The following P2RY13 variants were observed in gnomAD, a reference collection of about 807,000 sequenced individuals.
P2RY13 encodes the protein P2Y purinoceptor 13.
For missense variants in P2RY13, 412 were observed against 418.4 expected, an observed-to-expected ratio of 0.98 and a Z score of 0.13; for synonymous variants, 150 against 155.1, an observed-to-expected ratio of 0.97 and a Z score of 0.24.
In P2RY13 at chr3:151,327,748, AAG is replaced by A. The variant is rs1553780203; in HGVS notation, c.*241_*242del. The A allele has an allele frequency of 4.2e-5, 14 of 334,514 alleles. No individual in the cohort carries two copies. Among genetic ancestry groups the A allele is most frequent in the East Asian group, 1.4e-4 (3 of 21,170 alleles). 20.7% of individuals were successfully genotyped at this position (334,514 alleles called of 1,614,324 possible). On this transcript the variant is annotated 3_prime_UTR_variant, in exon 2 of 2. Coordinates refer to ENST00000325602, the MANE Select transcript of P2RY13 (RefSeq NM_176894.3). ...GCTCTTGAAATTAAAAAAAAAAAAA[AAG>A]AAAGAAAGAAATAATGACCTCTAGT...
Position 151,329,507 on chromosome 3 carries a change from G to C in P2RY13, c.22C>G (p.Gln8Glu). The change falls in exon 1 of 2, where the codon CAG (glutamine) becomes GAG (glutamate). Residue 8 changes from glutamine to glutamate, a missense_variant. By Grantham distance (29) the Gln-to-Glu change is conservative. Coordinates refer to ENST00000325602, the MANE Select transcript of P2RY13 (RefSeq NM_176894.3). ...TTTGGGAGGATACTCAGTTCTCTCTGTCTTCTTATGGCGGCAGTCATTAGT... is the reference window on the plus strand; with the variant it reads ...TTTGGGAGGATACTCAGTTCTCTCTCTCTTCTTATGGCGGCAGTCATTAGT... MTAAIRR[Q>E]RELSILPKVT... is the part of the protein sequence containing the mutation. The C allele has an allele frequency of 1.3e-6, 2 of 1,547,984 alleles. No individual in the cohort carries two copies. Among genetic ancestry groups the C allele is most frequent in the Non-Finnish European group, 1.7e-6 (2 of 1,144,350 alleles).
Position 151,328,482 on chromosome 3 carries a change from T to C in P2RY13, c.574A>G (p.Lys192Glu). 6.2e-7 allele frequency: 1 copy of C among 1,614,062 alleles called. No individual in the cohort carries two copies. Among genetic ancestry groups the C allele is most frequent in the Non-Finnish European group, 8.5e-7 (1 of 1,179,962 alleles). Residue 192 changes from lysine (K) to glutamate (E), a missense_variant, in exon 2 of 2, where the codon AAA (lysine) becomes GAA (glutamate). Physicochemically the swap from Lys to Glu is moderately conservative, Grantham distance 56. Coordinates refer to ENST00000325602, the MANE Select transcript of P2RY13 (RefSeq NM_176894.3). ...SNKEATPSSV[K>E]KCASLKGPLG... is the part of the protein sequence containing the mutation. ...GGCCCCTTTAAGGAAGCACACTTTT[T>C]CACAGACGATGGTGTTGCTTCCTTG...
rs63497161 is a variant in P2RY13 at position 151,327,734 on chromosome 3, TAAA to T, written c.*254_*256del. 1.6e-3 allele frequency: 411 copies of T among 252,010 alleles called. No homozygotes were observed. The highest frequency in any genetic ancestry group is 2.3e-3 in the Non-Finnish European group (323 of 138,358). The allele number at this position is 252,010 out of a possible 1,614,324, so 15.6% of individuals were successfully genotyped here. ...TGTTAAAGTGAAATGCTCTTGAAAT[TAAA>T]AAAAAAAAAAAAGAAAGAAAGAAAT... On this transcript the variant is annotated 3_prime_UTR_variant, in exon 2 of 2. Coordinates refer to ENST00000325602, the MANE Select transcript of P2RY13 (RefSeq NM_176894.3).
In P2RY13 at chr3:151,326,922, T is replaced by C. The variant is rs151308567; in HGVS notation, c.*1069A>G. ...CCAAGGTAAATAAATACAAGCAGGG[T>C]CACCATCCTTTGAAAAATCTCTCAA... On this transcript the variant is annotated 3_prime_UTR_variant, in exon 2 of 2. Transcript: ENST00000325602. 1 of 152,304 alleles carries C rather than the reference T, an allele frequency of 6.6e-6. No homozygotes were observed. The highest frequency in any genetic ancestry group is 2.4e-5 in the African/African-American group (1 of 41,570). 9.4% of individuals were successfully genotyped at this position (152,304 alleles called of 1,614,324 possible).
chr3:151,328,855 C>T lies in P2RY13; in HGVS notation c.201G>A (p.Trp67Ter). 1 of 1,613,916 alleles carries T rather than the reference C, an allele frequency of 6.2e-7. No homozygotes were observed. Among genetic ancestry groups the T allele is most frequent in the Non-Finnish European group, 8.5e-7 (1 of 1,179,944 alleles). ...TGILLNTLAL[W>*]VFVHIPSSST... ...AGGAGCTGGGGATGTGAACAAACACCCACAGAGCCAAAGTATTCAGCAGGA... is the reference window on the plus strand; with the variant it reads ...AGGAGCTGGGGATGTGAACAAACACTCACAGAGCCAAAGTATTCAGCAGGA... Residue 67 changes from tryptophan (W) to a stop codon, truncating the protein, a stop_gained, in exon 2 of 2, where the codon TGG becomes TGA. Coordinates refer to ENST00000325602, the MANE Select transcript of P2RY13 (RefSeq NM_176894.3). LOFTEE classifies it low-confidence loss of function (END_TRUNC).
In P2RY13 at chr3:151,328,201, A is replaced by G. The variant is rs1749884176; in HGVS notation, c.855T>C (p.Asn285=). Residue 285 remains asparagine (N), a synonymous_variant, in exon 2 of 2, where the codon AAT becomes AAC. Transcript: ENST00000325602. ...GATTTTGCAGTCTACAGTCAGTCTT[A>G]TTGTTGGTTTGACTGTGAGTATATG... ...RVPYTHSQTN[N]KTDCRLQNQL... is the part of the protein sequence containing the mutation. 1.2e-6 allele frequency: 2 copies of G among 1,612,872 alleles called. No homozygotes were observed. The highest frequency in any genetic ancestry group is 1.1e-5 in the South Asian group (1 of 90,840).
chr3:151,328,311 T>C lies in P2RY13; in HGVS notation c.745A>G (p.Asn249Asp). Reference protein sequence around the residue: ...YRKSKSKDRKNNKKLEGKVFV... With the variant: ...YRKSKSKDRKDNKKLEGKVFV... Reference sequence around the variant, plus strand: ...ACTTTGCCTTCCAGCTTTTTGTTGTTTTTTCTGTCCTTACTTTTGGACTTT... The same window carrying C: ...ACTTTGCCTTCCAGCTTTTTGTTGTCTTTTCTGTCCTTACTTTTGGACTTT... Residue 249 changes from asparagine (N) to aspartate (D), a missense_variant, in exon 2 of 2, where the codon AAC (asparagine) becomes GAC (aspartate). Physicochemically the swap from Asn to Asp is conservative, Grantham distance 23 (BLOSUM62 1). Coordinates refer to ENST00000325602, the MANE Select transcript of P2RY13 (RefSeq NM_176894.3). The C allele has an allele frequency of 6.2e-7, 1 of 1,613,918 alleles. No homozygotes were observed. The highest frequency in any genetic ancestry group is 8.5e-7 in the Non-Finnish European group (1 of 1,179,894).
Position 151,328,611 on chromosome 3 carries a change from AAGGTC to A in P2RY13, c.440_444del (p.Arg147IlefsTer63). ...GGTTTTTTTAGAAAAATATTTCTCA[AAGGTC>A]TGATGATCTTGAGGAATCTGTCAAA... On this transcript the variant is annotated frameshift_variant, in exon 2 of 2. Transcript: ENST00000325602. LOFTEE classifies it low-confidence loss of function (END_TRUNC). 6.2e-7 allele frequency: 1 copy of A among 1,613,848 alleles called. No individual in the cohort carries two copies. Among genetic ancestry groups the A allele is most frequent in the Non-Finnish European group, 8.5e-7 (1 of 1,179,938 alleles).
chr3:151,329,044 C>A (rs1297428690), intron 1 of P2RY13, 37 bp from the exon 2 acceptor site: 1 of 1,436,122 alleles, frequency 7.0e-7, no homozygotes. Context: ...CAAAAGAAAA[C>A]AAAAAGCCCT....
intron 1 of P2RY13, among the ~76,000 whole-genome samples, 186 bp downstream of exon 1, chr3:151,329,290 TAAAAC>T (rs1750077882): frequency 6.6e-6 from 1 of 152,162 alleles, no homozygotes; most frequent in South Asian, 2.1e-4. Flanking sequence ...CTGTTAGCCA[TAAAAC>T]AAAACACTGT....
chr3:151,328,555 G>A lies in P2RY13; in HGVS notation c.501C>T (p.Ile167=). 1 of 1,613,750 alleles carries A rather than the reference G, an allele frequency of 6.2e-7. No individual in the cohort carries two copies. Residue 167 remains isoleucine (I), a synonymous_variant, in exon 2 of 2, where the codon ATC becomes ATT. Transcript: ENST00000325602. ...PVFAKTVSIF[I]WFFLFFISLP... is the part of the protein sequence containing the mutation. ...GGGAGATGAAGAACAAAAAGAACCAGATGAAGATTGAGACCGTTTTTGCAA... is the reference window on the plus strand; with the variant it reads ...GGGAGATGAAGAACAAAAAGAACCAAATGAAGATTGAGACCGTTTTTGCAA...
Position 151,328,306 on chromosome 3 carries a change from G to T in P2RY13, c.750C>A (p.Asn250Lys). 1 of 1,613,750 alleles carries T rather than the reference G, an allele frequency of 6.2e-7. No homozygotes were observed. Among genetic ancestry groups the T allele is most frequent in the Non-Finnish European group, 8.5e-7 (1 of 1,179,878 alleles). ...RKSKSKDRKNNKKLEGKVFVV... is the reference protein window; with the variant it reads ...RKSKSKDRKNKKKLEGKVFVV... ...CAAATACTTTGCCTTCCAGCTTTTTGTTGTTTTTTCTGTCCTTACTTTTGG... is the reference window on the plus strand; with the variant it reads ...CAAATACTTTGCCTTCCAGCTTTTTTTTGTTTTTTCTGTCCTTACTTTTGG... Residue 250 changes from asparagine to lysine, a missense_variant, in exon 2 of 2, where the codon AAC (asparagine) becomes AAA (lysine). By Grantham distance (94) the Asn-to-Lys change is moderately conservative. Coordinates refer to ENST00000325602, the MANE Select transcript of P2RY13 (RefSeq NM_176894.3).
chr3:151,327,897 A>G lies in P2RY13; in HGVS notation c.*94T>C, dbSNP rs1749839914. On this transcript the variant is annotated 3_prime_UTR_variant, in exon 2 of 2. Coordinates refer to ENST00000325602, the MANE Select transcript of P2RY13 (RefSeq NM_176894.3). Reference sequence around the variant, plus strand: ...CGAGGATAATAAAATGTAAGAGAGCATTTGTTCCAATCTTTTTTTCTTGGT... The same window carrying G: ...CGAGGATAATAAAATGTAAGAGAGCGTTTGTTCCAATCTTTTTTTCTTGGT... The G allele has an allele frequency of 8.9e-6, 8 of 894,156 alleles. No homozygotes were observed. The South Asian group carries it at 1.5e-4, about 17-fold the overall frequency. 55.4% of individuals were successfully genotyped at this position (894,156 alleles called of 1,614,324 possible). A position where few individuals can be genotyped will look rare whatever the true frequency, so the allele number is the denominator to read the frequency against.
At position 151,327,004 on chromosome 3, in the gene P2RY13, C is replaced by T. The variant is rs1386876241; in HGVS notation, c.*987G>A. 6.6e-6 allele frequency: 1 copy of T among 152,140 alleles called. No individual in the cohort carries two copies. The highest frequency in any genetic ancestry group is 1.5e-5 in the Non-Finnish European group (1 of 68,028). 9.4% of individuals were successfully genotyped at this position (152,140 alleles called of 1,614,324 possible). A position where few individuals can be genotyped will look rare whatever the true frequency, so the allele number is the denominator to read the frequency against. On this transcript the variant is annotated 3_prime_UTR_variant, in exon 2 of 2. Transcript: ENST00000325602. Reference sequence around the variant, plus strand: ...ACGTCTTTGTATGTATCGAGAATAGCAATTCTATTTAAAACATCTGTAGAC... The same window carrying T: ...ACGTCTTTGTATGTATCGAGAATAGTAATTCTATTTAAAACATCTGTAGAC...
Position 151,328,620 on chromosome 3 carries a change from T to C in P2RY13, c.436A>G (p.Ile146Val), listed in dbSNP as rs1749962069. 6.2e-7 allele frequency: 1 copy of C among 1,613,864 alleles called. No individual in the cohort carries two copies. The highest frequency in any genetic ancestry group is 8.5e-7 in the Non-Finnish European group (1 of 1,179,928). Residue 146 changes from isoleucine to valine, a missense_variant, in exon 2 of 2, where the codon ATC (isoleucine) becomes GTC (valine). Transcript: ENST00000325602. ...AGAAAAATATTTCTCAAAGGTCTGA[T>C]GATCTTGAGGAATCTGTCAAAGGCT... Reference protein sequence around the residue: ...LIAFDRFLKIIRPLRNIFLKK... With the variant: ...LIAFDRFLKIVRPLRNIFLKK...
chr3:151,328,249 A>C lies in P2RY13; in HGVS notation c.807T>G (p.Ala269=). ...VVVAVFFVCF[A]PFHFARVPYT... ...ATGGAACTCTGGCAAAATGAAATGG[A>C]GCAAAACACACAAAGAAGACAGCCA... Residue 269 remains alanine, a synonymous_variant, in exon 2 of 2, where the codon GCT becomes GCG. Coordinates refer to ENST00000325602, the MANE Select transcript of P2RY13 (RefSeq NM_176894.3). The C allele has an allele frequency of 6.2e-7, 1 of 1,613,960 alleles. No homozygotes were observed. The highest frequency in any genetic ancestry group is 8.5e-7 in the Non-Finnish European group (1 of 1,179,922).
intron 1 of P2RY13, 60 bp downstream of exon 1, chr3:151,329,421 C>T (rs1560035539): frequency 8.5e-6 from 9 of 1,057,686 alleles, no homozygotes; most frequent in African/African-American, 1.6e-5. Context: ...ACCTTTTTTC[C>T]CTTAAGCATA....
chr3:151,328,151 GTTGT>G lies in P2RY13; in HGVS notation c.901_904del (p.Thr301LeufsTer14). The G allele has an allele frequency of 6.2e-7, 1 of 1,612,850 alleles. No individual in the cohort carries two copies. ...AATGTTAGTTGCTGCCAAAAAGAGA[GTTGT>G]TTCTTTAGCAATAAACAGTTGATTT... On this transcript the variant is annotated frameshift_variant, in exon 2 of 2. Transcript: ENST00000325602. LOFTEE classifies it low-confidence loss of function (END_TRUNC).
chr3:151,327,965 A>G lies in P2RY13; in HGVS notation c.*26T>C. The G allele has an allele frequency of 6.8e-7, 1 of 1,466,840 alleles. No individual in the cohort carries two copies. Among genetic ancestry groups the G allele is most frequent in the East Asian group, 2.3e-5 (1 of 42,838 alleles). 90.9% of individuals were successfully genotyped at this position (1,466,840 alleles called of 1,614,324 possible). A position where few individuals can be genotyped will look rare whatever the true frequency, so the allele number is the denominator to read the frequency against. On this transcript the variant is annotated 3_prime_UTR_variant, in exon 2 of 2. Coordinates refer to ENST00000325602, the MANE Select transcript of P2RY13 (RefSeq NM_176894.3). ...TTATCTACGGAAGTCTCATCAATAA[A>G]TAGAAGTTAACCCTATGTACAGTTG...
Sources: allele counts gnomAD v4.1 joint callset (sites outside exome capture counted in the v4.1 genomes callset), GRCh38; gene constraint gnomAD v4.1.1; transcripts MANE v1.5; gene names NCBI Gene and HGNC (gene_info 2026-07-23, HGNC 2026-07-21).